TBC1D9: variants seen among roughly 807,000 people sequenced by gnomAD.
TBC1D9 encodes TBC1 domain family member 9A.
In TBC1D9, 63 loss-of-function variants were observed where a neutral mutation model predicts 132.0. The ratio of observed to expected loss-of-function variants is 0.48; its 90% CI spans 0.39 to 0.59. The LOEUF is 0.59. Among genes scored for constraint, TBC1D9 ranks in the 20% least tolerant of loss-of-function variants. The pLI, the probability that TBC1D9 is intolerant of heterozygous loss-of-function variation, is 0.00. For synonymous variants in TBC1D9, 610 were observed against 609.9 expected, an observed-to-expected ratio of 1.00 and a Z score of 0.00; for missense variants, 1,261 against 1,592.7, an observed-to-expected ratio of 0.79 and a Z score of 3.54.
At chr4:140,663,948 A>T (rs1214187345) in intron 9 of TBC1D9, among the ~76,000 whole-genome samples, 4 of 151,134 alleles carry the variant, frequency 2.6e-5, no homozygotes, top group Non-Finnish European at 5.9e-5. Flanking sequence ...AGAAATGAAA[A>T]TGTTCTGAAG....
At chr4:140,686,807 T>C (rs1016794073) in intron 2 of TBC1D9, among the ~76,000 whole-genome samples, 2 of 152,164 alleles carry the variant, frequency 1.3e-5, no homozygotes, top group Non-Finnish European at 2.9e-5. Context: ...CCTTCTAGAA[T>C]TTGCACTTTA....
chr4:140,666,670 G>A (rs1737450434), intron 9 of TBC1D9, among the ~76,000 whole-genome samples: 1 of 151,868 alleles, frequency 6.6e-6, no homozygotes, highest in Admixed American at 6.6e-5. Context: ...AAAAGGTATG[G>A]GGTGTTTTGG....
intron 13 of TBC1D9, among the ~76,000 whole-genome samples, chr4:140,652,908 C>T (rs897289987): frequency 6.6e-6 from 1 of 152,348 alleles, no homozygotes. Context: ...ACACACTGGG[C>T]TGGGTCATCT....
chr4:140,699,762 G>A (rs945416653), intron 2 of TBC1D9, among the ~76,000 whole-genome samples: 4 of 152,180 alleles, frequency 2.6e-5, no homozygotes, highest in African/African-American at 9.6e-5. Flanking sequence ...ACAAACAATG[G>A]ACTTTACTTA....
At chr4:140,721,846 C>A (rs1169964346) in intron 1 of TBC1D9, among the ~76,000 whole-genome samples, 2 of 152,190 alleles carry the variant, frequency 1.3e-5, no homozygotes, top group African/African-American at 4.8e-5. Context: ...GTCTTGATAA[C>A]TTGCCCAACA....
intron 1 of TBC1D9, among the ~76,000 whole-genome samples, chr4:140,703,656 A>C (rs1578848172): frequency 6.6e-6 from 1 of 152,204 alleles, no homozygotes; most frequent in East Asian, 1.9e-4. Context: ...TCCAAGGGCA[A>C]AAAATCCATT....
intron 3 of TBC1D9, among the ~76,000 whole-genome samples, chr4:140,681,712 T>C (rs1017311927): frequency 1.3e-5 from 2 of 152,196 alleles, no homozygotes; most frequent in Admixed American, 1.3e-4. Context: ...GAAACAGAGA[T>C]CTGACTACAG....
intron 1 of TBC1D9, among the ~76,000 whole-genome samples, chr4:140,712,748 A>AAATAG (rs1553972341): frequency 6.8e-6 from 1 of 146,260 alleles, no homozygotes; most frequent in African/African-American, 2.6e-5. Flanking sequence ...ATCTCAAAAA[A>AAATAG]ATAGATAGAT....
intron 1 of TBC1D9, among the ~76,000 whole-genome samples, chr4:140,741,926 C>T (rs1205707632): frequency 6.6e-6 from 1 of 152,170 alleles, no homozygotes; most frequent in African/African-American, 2.4e-5. Context: ...CACATATGAC[C>T]TGGAAGCCCC....
chr4:140,668,732 C>G (rs1737486287), intron 9 of TBC1D9, among the ~76,000 whole-genome samples, 185 bp downstream of exon 9: 1 of 152,148 alleles, frequency 6.6e-6, no homozygotes, highest in Non-Finnish European at 1.5e-5. Context: ...CCTATGGGTC[C>G]TATAGTTTTA....
chr4:140,657,445 A>T (rs1438174666), intron 12 of TBC1D9, 82 bp downstream of exon 12: 1 of 1,452,488 alleles, frequency 6.9e-7, no homozygotes, highest in East Asian at 2.3e-5. Context: ...TCACCATCAA[A>T]TCAGTTAAGA....
rs867708158 is a variant in TBC1D9 at position 140,667,626 on chromosome 4, C to T, written c.1588+1291G>A. The stretch of plus-strand genomic sequence containing the variant: ...CACTTAGGGAAAATGAGGCCAGGCA[C>T]AGTGGCTCATGACTATCATCCCAGC... On this transcript the variant is annotated intron_variant, in intron 9 of 20. Coordinates refer to ENST00000442267, the MANE Select transcript of TBC1D9 (RefSeq NM_015130.3). 1.4e-4 allele frequency among the ~76,000 whole-genome samples: 22 copies of T among 152,222 alleles called. No individual in the cohort carries two copies. The Middle Eastern group carries it at 0.024, about 165-fold the overall frequency.
At chr4:140,653,691 A>G (rs1737221440) in intron 13 of TBC1D9, among the ~76,000 whole-genome samples, 1 of 152,238 alleles carries the variant, frequency 6.6e-6, no homozygotes, top group South Asian at 2.1e-4. Flanking sequence ...ACAAGGCATT[A>G]GAGAGCCACT....
chr4:140,682,342 G>A (rs1346848), intron 3 of TBC1D9, among the ~76,000 whole-genome samples: 100,727 of 151,966 alleles, frequency 0.66, 33,443 homozygotes, highest in Non-Finnish European at 0.67. Flanking sequence ...CATTAAGCTC[G>A]ATGAAGGCCA....
At chr4:140,628,185 G>T in intron 17 of TBC1D9, 115 bp downstream of exon 17, 2 of 798,904 alleles carry the variant, frequency 2.5e-6, no homozygotes, top group South Asian at 3.1e-5. Flanking sequence ...AGTTCTTAGT[G>T]ACTCATGAAT....
At position 140,645,308 on chromosome 4, in the gene TBC1D9, G is replaced by A; in HGVS notation, c.2338-5880C>T. ...CAGTGACAGAGGGTGCTCCTGGTCT[G>A]CCAGCCCAGGCCCCAGCCAGCCACT... On this transcript the variant is annotated intron_variant, in intron 13 of 20. Transcript: ENST00000442267. 6.0e-6 allele frequency: 3 copies of A among 503,212 alleles called. No homozygotes were observed. In the Admixed American group the frequency reaches 6.3e-5, roughly 11 times the overall value. 31.2% of individuals were successfully genotyped at this position (503,212 alleles called of 1,614,324 possible). A position where few individuals can be genotyped will look rare whatever the true frequency, so the allele number is the denominator to read the frequency against.
intron 13 of TBC1D9, among the ~76,000 whole-genome samples, chr4:140,649,666 G>A (rs1171977665): frequency 6.6e-6 from 1 of 152,186 alleles, no homozygotes; most frequent in African/African-American, 2.4e-5. Flanking sequence ...TGGGGGTGGC[G>A]TCTGTCTGCA....
intron 13 of TBC1D9, among the ~76,000 whole-genome samples, chr4:140,652,078 A>G (rs912802178): frequency 2.0e-5 from 3 of 152,022 alleles, no homozygotes; most frequent in Non-Finnish European, 4.4e-5. Flanking sequence ...ATCTCTACCA[A>G]AAATACCAAA....
intron 11 of TBC1D9, among the ~76,000 whole-genome samples, chr4:140,658,894 A>T (rs1243674157): frequency 6.6e-6 from 1 of 152,208 alleles, no homozygotes; most frequent in East Asian, 1.9e-4. Context: ...AAAAAACTTA[A>T]AAGCATTCCT....
Sources: gnomAD v4.1 joint callset for allele counts (sites outside exome capture counted in the v4.1 genomes callset) on GRCh38, gnomAD v4.1.1 for gene constraint, MANE v1.5 for transcripts, NCBI Gene and HGNC (gene_info 2026-07-23, HGNC 2026-07-21) for gene names.